Variants in DEPDC5 observed in about 807,000 individuals in gnomAD.
DEPDC5 encodes the protein DEP domain containing 5, GATOR1 subcomplex subunit.
A neutral mutation model predicts 217.3 loss-of-function variants in DEPDC5; 73 were observed. The observed-to-expected ratio is 0.34, with a 90% CI of 0.28 to 0.41. The LOEUF (loss-of-function observed/expected upper bound fraction) is 0.41. DEPDC5 is among the 10% of genes least tolerant of loss of function. The pLI, the probability that DEPDC5 is intolerant of heterozygous loss-of-function variation, is 1.00. For missense variants in DEPDC5, 1,675 were observed against 2,070.1 expected (o/e 0.81, Z 3.70); for synonymous variants, 733 against 756.7 (o/e 0.97, Z 0.51).
chr22:31,823,850 T>G (rs2066611033), intron 24 of DEPDC5, among the ~76,000 whole-genome samples: 1 of 152,166 alleles, frequency 6.6e-6, no homozygotes, highest in South Asian at 2.1e-4. Context: ...CAGGCTGCTG[T>G]CCTCTTTTCG....
chr22:31,810,707 T>G (rs1455206009), intron 20 of DEPDC5, 66 bp downstream of exon 20: 1 of 1,599,780 alleles, frequency 6.3e-7, no homozygotes, highest in Non-Finnish European at 8.5e-7. Flanking sequence ...AGTTCAGTAG[T>G]GACCTCTAAG....
chr22:31,778,010 A>G, intron 7 of DEPDC5, 89 bp from the exon 8 acceptor site: 1 of 1,452,246 alleles, frequency 6.9e-7, no homozygotes, highest in South Asian at 1.1e-5. Context: ...GGCTTCCCAA[A>G]GTGCTGGGAT....
At chr22:31,860,178 T>G (rs894493255) in intron 32 of DEPDC5, among the ~76,000 whole-genome samples, 15 of 152,204 alleles carry the variant, frequency 9.9e-5, no homozygotes, top group Admixed American at 6.5e-4. Context: ...GGAAACAAAA[T>G]GCTATGAGAT....
intron 38 of DEPDC5, among the ~76,000 whole-genome samples, chr22:31,890,031 T>G (rs1361108338): frequency 6.6e-6 from 1 of 152,012 alleles, no homozygotes; most frequent in South Asian, 2.1e-4. Flanking sequence ...ATGGCCTAAA[T>G]TGGGAGAAGA....
In DEPDC5 at chr22:31,906,662, C is replaced by A; in HGVS notation, c.*165C>A. 2.2e-6 allele frequency: 2 copies of A among 926,598 alleles called. No individual in the cohort carries two copies. Among genetic ancestry groups the A allele is most frequent in the Non-Finnish European group, 3.2e-6 (2 of 627,668 alleles). The allele number at this position is 926,598 out of a possible 1,614,324, so 57.4% of individuals were successfully genotyped here. On this transcript the variant is annotated 3_prime_UTR_variant, in exon 43 of 43. Transcript: ENST00000651528. This position sits in a 1 kb window ranked among gnomAD's most constrained non-coding sequence, Gnocchi z 5.1. ...TGTTTGTTTGTTTGTTTGTTTTTGGCCCCCACGACAAGTCTTCTACTCTAG... is the reference window on the plus strand; with the variant it reads ...TGTTTGTTTGTTTGTTTGTTTTTGGACCCCACGACAAGTCTTCTACTCTAG...
chr22:31,842,988 TA>T, intron 27 of DEPDC5, 106 bp from the exon 28 acceptor site: 2 of 800,036 alleles, frequency 2.5e-6, no homozygotes, highest in Non-Finnish European at 3.9e-6. Flanking sequence ...AAACTGCCCC[TA>T]AGAGAAAGTG....
At position 31,897,736 on chromosome 22, in the gene DEPDC5, A is replaced by G. The variant is rs1313390989; in HGVS notation, c.4375+83A>G. The G allele has an allele frequency of 7.3e-6, 11 of 1,503,282 alleles. No homozygotes were observed. The Admixed American group carries it at 7.6e-5, about 10-fold the overall frequency. 93.1% of individuals were successfully genotyped at this position (1,503,282 alleles called of 1,614,324 possible). On this transcript the variant is annotated intron_variant, in intron 40 of 42. Coordinates refer to ENST00000651528, the MANE Select transcript of DEPDC5 (RefSeq NM_001242896.3). ...GGACACCACTCTGGGTATCCAGTCA[A>G]CACGGACTAGGGAAAAGGGACAGCC...
At chr22:31,844,885 G>A in intron 29 of DEPDC5, 133 bp from the exon 30 acceptor site, 1 of 904,806 alleles carries the variant, frequency 1.1e-6, no homozygotes, top group Non-Finnish European at 1.7e-6. Context: ...AAAGCCATGA[G>A]CTGTAGCATC....
In DEPDC5 at chr22:31,838,861, T is replaced by C. The variant is rs766303620; in HGVS notation, c.2515+16T>C. On this transcript the variant is annotated intron_variant, in intron 27 of 42. Coordinates refer to ENST00000651528, the MANE Select transcript of DEPDC5 (RefSeq NM_001242896.3). ...TATAGCCGAGGTGAGTTTTTCTCCTTGGATTTCTATTTTTTTCTCTTCTAC... is the reference window on the plus strand; with the variant it reads ...TATAGCCGAGGTGAGTTTTTCTCCTCGGATTTCTATTTTTTTCTCTTCTAC... 3.1e-6 allele frequency: 5 copies of C among 1,605,794 alleles called. No individual in the cohort carries two copies. The highest frequency in any genetic ancestry group is 4.3e-6 in the Non-Finnish European group (5 of 1,174,430).
chr22:31,847,311 A>G (rs2091793608), intron 31 of DEPDC5, among the ~76,000 whole-genome samples: 1 of 151,616 alleles, frequency 6.6e-6, no homozygotes, highest in African/African-American at 2.4e-5. Flanking sequence ...TGAGGCCAGG[A>G]GTTTGAGACC....
intron 38 of DEPDC5, among the ~76,000 whole-genome samples, chr22:31,885,273 A>G (rs1035753972): frequency 1.3e-5 from 2 of 152,054 alleles, no homozygotes; most frequent in Non-Finnish European, 2.9e-5. Flanking sequence ...TCCGCCTCCT[A>G]TGTACTCTGC....
chr22:31,805,704 T>G (rs2087439342), intron 17 of DEPDC5, among the ~76,000 whole-genome samples: 1 of 152,156 alleles, frequency 6.6e-6, no homozygotes, highest in Non-Finnish European at 1.5e-5. Context: ...TTTCACTGTG[T>G]TGGCCAACCT....
intron 7 of DEPDC5, among the ~76,000 whole-genome samples, chr22:31,773,696 T>G (rs1340971670): frequency 6.6e-6 from 1 of 152,194 alleles, no homozygotes; most frequent in Non-Finnish European, 1.5e-5. Flanking sequence ...TAAAGTATAG[T>G]CATTTGTATA....
chr22:31,892,580 A>G (rs1035241778), intron 38 of DEPDC5, among the ~76,000 whole-genome samples: 1 of 152,210 alleles, frequency 6.6e-6, no homozygotes, highest in Non-Finnish European at 1.5e-5. Flanking sequence ...GCTACTTGGG[A>G]GAATGAGGCA....
At position 31,887,006 on chromosome 22, in the gene DEPDC5, C is replaced by A. The variant is rs2093331676; in HGVS notation, c.4034-6576C>A. ...GCTGAAGCAGGAGAATTGCTTGAAC[C>A]CGGGAGGTGGAGGTTGCGGTGAGCT... On this transcript the variant is annotated intron_variant, in intron 38 of 42. Transcript: ENST00000651528. Among the ~76,000 whole-genome samples, 4 of 151,664 alleles carry A rather than the reference C, an allele frequency of 2.6e-5. No individual in the cohort carries two copies. In the South Asian group the frequency reaches 8.3e-4, roughly 31 times the overall value.
chr22:31,754,614 G>A (rs1019497552), intron 1 of DEPDC5, among the ~76,000 whole-genome samples: 38 of 152,206 alleles, frequency 2.5e-4, no homozygotes, highest in Non-Finnish European at 1.5e-5. Flanking sequence ...CTTCCCCTAT[G>A]GGGGTGTGAT....
Position 31,760,379 on chromosome 22 carries a change from A to G in DEPDC5, c.147-277A>G, listed in dbSNP as rs141665498. On this transcript the variant is annotated intron_variant, in intron 3 of 42. Coordinates refer to ENST00000651528, the MANE Select transcript of DEPDC5 (RefSeq NM_001242896.3). Reference sequence around the variant, plus strand: ...CACCACACCCGGCCTAATTTTTTCTATTTTTTAGTAGAGAAGGGGTTTCAC... The same window carrying G: ...CACCACACCCGGCCTAATTTTTTCTGTTTTTTAGTAGAGAAGGGGTTTCAC... Among the ~76,000 whole-genome samples the G allele has an allele frequency of 3.5e-4, 49 of 140,140 alleles. No individual in the cohort carries two copies. The East Asian group carries it at 9.4e-3, about 27-fold the overall frequency. 91.9% of individuals were successfully genotyped at this position (140,140 alleles called of 152,430 possible).
intron 2 of DEPDC5, 145 bp downstream of exon 2, chr22:31,755,124 A>G: frequency 1.2e-6 from 1 of 827,434 alleles, no homozygotes; most frequent in Non-Finnish European, 1.9e-6. Flanking sequence ...TCATACAGTA[A>G]CAATAGGAGG....
intron 37 of DEPDC5, among the ~76,000 whole-genome samples, chr22:31,876,874 C>A (rs181885545): frequency 6.6e-6 from 1 of 152,132 alleles, no homozygotes; most frequent in African/African-American, 2.4e-5. Flanking sequence ...AGCATCTTGC[C>A]GGGCATGCTG....
Sources: gnomAD v4.1 joint callset for allele counts (sites outside exome capture counted in the v4.1 genomes callset) on GRCh38, gnomAD v4.1.1 for gene constraint, Gnocchi (gnomAD v3.1) non-coding constraint, MANE v1.5 for transcripts, NCBI Gene and HGNC (gene_info 2026-07-23, HGNC 2026-07-21) for gene names.